The following TST variants were observed in gnomAD, a reference collection of about 807,000 sequenced individuals.
TST encodes the protein thiosulfate sulfurtransferase.
TST carries 22 observed loss-of-function variants against 20.4 expected under a neutral mutation model. That is an observed-to-expected ratio of 1.08 (90% CI 0.77 to 1.54). The LOEUF is 1.54. Ranked by LOEUF, TST falls within the 40% of genes most tolerant of loss-of-function variation. TST has a pLI of 0.00. For missense variants in TST, 392 were observed against 405.2 expected (o/e 0.97, Z 0.28); for synonymous variants, 187 against 173.8 (o/e 1.08, Z -0.60).
intron 2 of TST, among the ~76,000 whole-genome samples, chr22:37,017,732 G>A (rs767644275): frequency 2.0e-5 from 3 of 152,176 alleles, no homozygotes; most frequent in African/African-American, 4.8e-5. Flanking sequence ...TCTGCGGGAC[G>A]AGAGAGGCCT....
chr22:37,019,808 C>G (rs1601451896), upstream of TST: 1 of 1,143,604 alleles, frequency 8.7e-7, no homozygotes, highest in East Asian at 3.2e-5. Context: ...GCTGCGGGCG[C>G]GGGGAGGGGG....
intron 2 of TST, among the ~76,000 whole-genome samples, chr22:37,011,814 T>G (rs967642053): frequency 6.6e-6 from 1 of 152,220 alleles, no homozygotes; most frequent in African/African-American, 2.4e-5. Flanking sequence ...GAAAGGCAGA[T>G]GCTAAACAGA....
In TST at chr22:37,018,240, A is replaced by C; in HGVS notation, c.493T>G (p.Tyr165Asp). ...ATLDRSLLKT[Y>D]EQVLENLESK... is the part of the protein sequence containing the mutation. ...TCAAGGTTCTCCAGCACCTGCTCGT[A>C]GGTCTTGAGCAGGGAGCGGTCCAGT... Residue 165 changes from tyrosine to aspartate, a missense_variant, in exon 2 of 3, where the codon TAC becomes GAC. Physicochemically the swap from Tyr to Asp is radical, Grantham distance 160 (BLOSUM62 -3). Transcript: ENST00000249042. 6.2e-7 allele frequency: 1 copy of C among 1,613,972 alleles called. No homozygotes were observed. Among genetic ancestry groups the C allele is most frequent in the Non-Finnish European group, 8.5e-7 (1 of 1,179,986 alleles).
Position 37,019,442 on chromosome 22 carries a change from G to A in TST, c.-64C>T, listed in dbSNP as rs1922875138. ...CTGGCGCTCGCCCCGGCCGGCTGGAGAAGTTGGCCGGTTCAAACCCCCGGC... is the reference window on the plus strand; with the variant it reads ...CTGGCGCTCGCCCCGGCCGGCTGGAAAAGTTGGCCGGTTCAAACCCCCGGC... On this transcript the variant is annotated 5_prime_UTR_variant, in exon 1 of 3. Transcript: ENST00000249042. 6.6e-6 allele frequency: 1 copy of A among 151,226 alleles called. No individual in the cohort carries two copies. Among genetic ancestry groups the A allele is most frequent in the Admixed American group, 6.6e-5 (1 of 15,178 alleles). The allele number at this position is 151,226 out of a possible 1,614,324, so 9.4% of individuals were successfully genotyped here.
intron 2 of TST, among the ~76,000 whole-genome samples, chr22:37,016,959 C>G (rs1197282336): frequency 6.6e-6 from 1 of 152,222 alleles, no homozygotes; most frequent in Non-Finnish European, 1.5e-5. Flanking sequence ...GTGTGCAGAA[C>G]AGTTTTCCCA....
intron 1 of TST, chr22:37,019,180 A>C (rs1210604188): frequency 6.3e-6 from 1 of 158,376 alleles, no homozygotes; most frequent in African/African-American, 2.4e-5. Context: ...AAGCTCCGCG[A>C]GCCGCGCACA....
intron 2 of TST, among the ~76,000 whole-genome samples, chr22:37,015,173 G>T (rs919255578): frequency 2.0e-5 from 3 of 152,150 alleles, no homozygotes; most frequent in Non-Finnish European, 2.9e-5. Flanking sequence ...CCCCTTCCTT[G>T]TCCCCACCCA....
Position 37,018,586 on chromosome 22 carries a change from G to T in TST, c.147C>A (p.Leu49=). 6.4e-7 allele frequency: 1 copy of T among 1,563,484 alleles called. No individual in the cohort carries two copies. The highest frequency in any genetic ancestry group is 2.4e-5 in the East Asian group (1 of 41,872). The change falls in exon 2 of 3, where the codon CTC becomes CTA. Residue 49 remains leucine (L), a synonymous_variant. Coordinates refer to ENST00000249042, the MANE Select transcript of TST (RefSeq NM_003312.6). ...PGTREARKEY[L]ERHVPGASFF... ...AAGAGGCGCCGGGTACGTGGCGCTC[G>T]AGGTACTCCTTGCGGGCCTCTCGGG...
intron 2 of TST, among the ~76,000 whole-genome samples, chr22:37,014,727 G>A (rs1260372103): frequency 6.6e-6 from 1 of 152,214 alleles, no homozygotes; most frequent in Non-Finnish European, 1.5e-5. Context: ...AGCCTCCCTG[G>A]AAAAGGAGAC....
intron 2 of TST, among the ~76,000 whole-genome samples, chr22:37,012,932 C>T (rs922589413): frequency 6.6e-6 from 1 of 152,068 alleles, no homozygotes. Context: ...ATCCCAGCTA[C>T]TCGGGAGGCT....
At chr22:37,019,897 G>T (rs547192010), upstream of TST, 26 of 1,187,602 alleles carry the variant, frequency 2.2e-5, no homozygotes, top group African/African-American at 3.6e-4. Flanking sequence ...GTGGCGGCTT[G>T]CCTTTCTGGA....
chr22:37,011,066 TG>T lies in TST; in HGVS notation c.854del (p.Pro285GlnfsTer16). On this transcript the variant is annotated frameshift_variant, in exon 3 of 3. Coordinates refer to ENST00000249042, the MANE Select transcript of TST (RefSeq NM_003312.6). LOFTEE classifies it high-confidence loss of function. ...SWSEWFRRAP[P>X]ESRVSQGKSE... is the part of the protein sequence containing the mutation. ...ACTTTCCCTGGGACACACGGCTCTC[TG>T]GGGGGGCCCGGCGAAACCACTCGGA... The T allele has an allele frequency of 1.2e-6, 2 of 1,611,792 alleles. No individual in the cohort carries two copies. Among genetic ancestry groups the T allele is most frequent in the African/African-American group, 1.3e-5 (1 of 74,966 alleles).
chr22:37,012,204 G>A (rs1435938732), intron 2 of TST, among the ~76,000 whole-genome samples: 1 of 152,204 alleles, frequency 6.6e-6, no homozygotes, highest in Non-Finnish European at 1.5e-5. Context: ...CCATGGAGGG[G>A]GTAGGGGGAG....
In TST at chr22:37,012,618, A is replaced by G. The variant is rs535716714; in HGVS notation, c.596-1293T>C. ...CCCCATTCAACCTGGATTATGGGACAGGGCAGGAGCAGGGTGGCAGGAGTG... is the reference window on the plus strand; with the variant it reads ...CCCCATTCAACCTGGATTATGGGACGGGGCAGGAGCAGGGTGGCAGGAGTG... On this transcript the variant is annotated intron_variant, in intron 2 of 2. Coordinates refer to ENST00000249042, the MANE Select transcript of TST (RefSeq NM_003312.6). 3.1e-3 allele frequency among the ~76,000 whole-genome samples: 469 copies of G among 152,318 alleles called. 4 individuals are homozygous for G. Among genetic ancestry groups the G allele is most frequent in the African/African-American group, 0.011 (450 of 41,572 alleles).
chr22:37,019,830 G>C (rs549877335), upstream of TST: 347 of 1,205,110 alleles, frequency 2.9e-4, 2 homozygotes, highest in African/African-American at 5.1e-3. Context: ...GCCGCGCCGC[G>C]GGGGCCATGG....
intron 2 of TST, among the ~76,000 whole-genome samples, chr22:37,012,678 T>C (rs130599): frequency 0.61 from 93,388 of 152,022 alleles, 29,672 homozygotes; most frequent in African/African-American, 0.78. Context: ...GGCCAAGGCA[T>C]ATACTGGGGC....
rs772443293 is a variant in TST, at chr22:37,018,178, T to G, written c.555A>C (p.Gln185His). The stretch of plus-strand genomic sequence containing the variant: ...CCGGCTCGGTGCCCAGGAACCGCCC[T>G]TGAGACCTTGAATCCACCAGCTGGA... ...KRFQLVDSRS[Q>H]GRFLGTEPEP... Residue 185 changes from glutamine to histidine, a missense_variant, in exon 2 of 3, where the codon CAA becomes CAC. Gln to His is a conservative substitution (Grantham distance 24, BLOSUM62 0). Coordinates refer to ENST00000249042, the MANE Select transcript of TST (RefSeq NM_003312.6). The G allele has an allele frequency of 6.3e-7, 1 of 1,598,208 alleles. No homozygotes were observed. The highest frequency in any genetic ancestry group is 8.5e-7 in the Non-Finnish European group (1 of 1,170,436).
chr22:37,011,855 T>C (rs532349571), intron 2 of TST, among the ~76,000 whole-genome samples: 175 of 152,302 alleles, frequency 1.1e-3, no homozygotes, highest in Non-Finnish European at 2.3e-3. Context: ...TATGTCCCCA[T>C]TTTACAGATG....
At position 37,010,958 on chromosome 22, in the gene TST, T is replaced by A. The variant is rs1161822213; in HGVS notation, c.*69A>T. Reference sequence around the variant, plus strand: ...CATGTCATCTCCTTCACCTAAGAGGTAAGAACCGGCTGTAAGTCATGGGGT... The same window carrying A: ...CATGTCATCTCCTTCACCTAAGAGGAAAGAACCGGCTGTAAGTCATGGGGT... On this transcript the variant is annotated 3_prime_UTR_variant, in exon 3 of 3. Coordinates refer to ENST00000249042, the MANE Select transcript of TST (RefSeq NM_003312.6). 3.9e-6 allele frequency: 6 copies of A among 1,544,470 alleles called. No homozygotes were observed. In the African/African-American group the frequency reaches 5.5e-5, roughly 14 times the overall value.
Sources: allele counts gnomAD v4.1 joint callset (sites outside exome capture counted in the v4.1 genomes callset), GRCh38; gene constraint gnomAD v4.1.1; transcripts MANE v1.5; gene names NCBI Gene and HGNC (gene_info 2026-07-23, HGNC 2026-07-21).